NRXN3: variants seen among roughly 807,000 people sequenced by gnomAD.
The protein encoded by NRXN3 is neurexin 3, also known as neurexin III.
NRXN3 carries 32 observed loss-of-function variants against 137.6 expected under a neutral mutation model. That is an observed-to-expected ratio of 0.23 (90% CI 0.18 to 0.31). The LOEUF is 0.31. Among genes scored for constraint, NRXN3 ranks in the 10% least tolerant of loss-of-function variants. The pLI, the probability that NRXN3 is intolerant of heterozygous loss-of-function variation, is 1.00. For missense variants in NRXN3, 1,574 were observed against 2,062.5 expected (o/e 0.76, Z 4.59); for synonymous variants, 798 against 784.5 (o/e 1.02, Z -0.29).
intron 20 of NRXN3, among the ~76,000 whole-genome samples, chr14:79,837,680 A>T (rs1463048249): frequency 6.6e-6 from 1 of 152,250 alleles, no homozygotes; most frequent in Non-Finnish European, 1.5e-5. Context: ...TTTTTGTACA[A>T]GTGTCAAAGT....
intron 16 of NRXN3, among the ~76,000 whole-genome samples, chr14:79,645,804 C>T (rs1206119665): frequency 7.4e-6 from 1 of 134,910 alleles, no homozygotes; most frequent in East Asian, 2.0e-4. Context: ...AATGGTGGAC[C>T]TGGGATACCA....
At chr14:79,397,835 G>A (rs1380533767) in intron 15 of NRXN3, among the ~76,000 whole-genome samples, 1 of 152,176 alleles carries the variant, frequency 6.6e-6, no homozygotes, top group Admixed American at 6.5e-5. Context: ...AAAATCCTTA[G>A]CTACAACTCA....
rs760213649 is a variant in NRXN3, at chr14:78,888,394, G to GTTTTA, written c.2276-68848_2276-68847insTTTTA. On this transcript the variant is annotated intron_variant, in intron 10 of 20. Transcript: ENST00000335750. ...GAGTTGTGAAGGGCAGACATTAACT[G>GTTTTA]CTTATTTAAGACATAATACCTGTCC... is the stretch of plus-strand genomic sequence containing the variant. 5.9e-3 allele frequency among the ~76,000 whole-genome samples: 891 copies of GTTTTA among 152,156 alleles called. 12 individuals carry two copies. The highest frequency in any genetic ancestry group is 7.4e-3 in the Non-Finnish European group (500 of 67,972).
chr14:78,612,179 T>G (rs1485201976), intron 4 of NRXN3, among the ~76,000 whole-genome samples: 1 of 152,224 alleles, frequency 6.6e-6, no homozygotes, highest in African/African-American at 2.4e-5. Context: ...CTTGCTTTCT[T>G]ACATCCTGTT....
At chr14:78,924,344 C>A (rs1198293281) in intron 10 of NRXN3, among the ~76,000 whole-genome samples, 1 of 152,160 alleles carries the variant, frequency 6.6e-6, no homozygotes, top group African/African-American at 2.4e-5. Context: ...TATGTGCAAA[C>A]CCGATAACAC....
At chr14:79,433,905 C>T (rs1278252432) in intron 15 of NRXN3, among the ~76,000 whole-genome samples, 1 of 152,146 alleles carries the variant, frequency 6.6e-6, no homozygotes. Context: ...ACGTAGGATC[C>T]AGTCTTTCAC....
intron 4 of NRXN3, among the ~76,000 whole-genome samples, chr14:78,608,927 G>A (rs576051440): frequency 6.6e-6 from 1 of 152,214 alleles, no homozygotes; most frequent in Admixed American, 6.5e-5. Context: ...AGGTGGGGGT[G>A]GAGAGGTATT....
intron 15 of NRXN3, among the ~76,000 whole-genome samples, chr14:79,199,160 G>A (rs1027747778): frequency 1.5e-4 from 15 of 100,186 alleles, no homozygotes; most frequent in Non-Finnish European, 2.3e-4. Flanking sequence ...GTGAGACTGC[G>A]TCTAAAAAAA....
At chr14:78,364,256 C>G (rs2153609385) in intron 4 of NRXN3, among the ~76,000 whole-genome samples, 1 of 152,238 alleles carries the variant, frequency 6.6e-6, no homozygotes, top group African/African-American at 2.4e-5. Flanking sequence ...AGAACTCTGG[C>G]CTTGGGATAG....
chr14:79,827,073 T>G (rs1365696216), intron 20 of NRXN3, among the ~76,000 whole-genome samples: 2 of 152,198 alleles, frequency 1.3e-5, no homozygotes, highest in Non-Finnish European at 2.9e-5. Flanking sequence ...TGCTAAGCAC[T>G]GAGGATGCAA....
chr14:78,274,255 A>T (rs1179269569), intron 2 of NRXN3, among the ~76,000 whole-genome samples: 1 of 152,212 alleles, frequency 6.6e-6, no homozygotes, highest in African/African-American at 2.4e-5. Flanking sequence ...TTATAAAGAA[A>T]AGAGGTTTGA....
intron 19 of NRXN3, among the ~76,000 whole-genome samples, chr14:79,780,823 C>T (rs2099111423): frequency 6.6e-6 from 1 of 152,114 alleles, no homozygotes; most frequent in Non-Finnish European, 1.5e-5. Flanking sequence ...ATCGTAGTTA[C>T]TAGACTTCCA....
chr14:79,603,460 G>A (rs142850349), intron 16 of NRXN3, among the ~76,000 whole-genome samples: 1 of 152,104 alleles, frequency 6.6e-6, no homozygotes, highest in African/African-American at 2.4e-5. Flanking sequence ...ACAGGTTTCT[G>A]TCCTACCATG....
intron 10 of NRXN3, among the ~76,000 whole-genome samples, chr14:78,869,147 A>G (rs2099095126): frequency 6.6e-6 from 1 of 152,168 alleles, no homozygotes; most frequent in African/African-American, 2.4e-5. Flanking sequence ...TTTGAACATC[A>G]AATTAAGCAA....
chr14:78,815,463 GA>G (rs2098929044), intron 10 of NRXN3, among the ~76,000 whole-genome samples: 1 of 126,770 alleles, frequency 7.9e-6, no homozygotes, highest in Non-Finnish European at 1.6e-5. Context: ...GACTTGCTTG[GA>G]TAATTTGTTT....
chr14:79,686,117 C>A (rs113343376), intron 17 of NRXN3, among the ~76,000 whole-genome samples: 3,482 of 152,064 alleles, frequency 0.023, 145 homozygotes, highest in African/African-American at 0.08. Flanking sequence ...CACAGTGAAA[C>A]CCCATCTCTC....
chr14:79,392,750 T>C (rs2094892067), intron 15 of NRXN3, among the ~76,000 whole-genome samples: 2 of 151,888 alleles, frequency 1.3e-5, no homozygotes, highest in Non-Finnish European at 2.9e-5. Context: ...GGCAGGCAGA[T>C]CATGAGGTCA....
intron 4 of NRXN3, among the ~76,000 whole-genome samples, chr14:78,423,834 G>T (rs948339145): frequency 3.3e-5 from 5 of 152,180 alleles, no homozygotes; most frequent in Admixed American, 2.6e-4. Context: ...ATTAGCAAGG[G>T]TTTATAGTAT....
At chr14:79,003,046 A>G (rs144026925) in intron 15 of NRXN3, among the ~76,000 whole-genome samples, 154 of 152,264 alleles carry the variant, frequency 1.0e-3, no homozygotes, top group African/African-American at 3.4e-3. Context: ...AGCTGTAATC[A>G]TAGTGTATTA....
Sources: gnomAD v4.1 joint callset for allele counts (sites outside exome capture counted in the v4.1 genomes callset) on GRCh38, gnomAD v4.1.1 for gene constraint, MANE v1.5 for transcripts, NCBI Gene and HGNC (gene_info 2026-07-23, HGNC 2026-07-21) for gene names.